The following ANO10 variants were observed in gnomAD, a reference collection of about 807,000 sequenced individuals.
The protein encoded by ANO10 is anoctamin-10.
ANO10 carries 77 observed loss-of-function variants against 74.7 expected under a neutral mutation model. The ratio of observed to expected loss-of-function variants is 1.03; its 90% CI spans 0.86 to 1.25. The LOEUF (loss-of-function observed/expected upper bound fraction) is 1.25, where lower values mean the gene tolerates loss of function less well. ANO10 is among the 50% of genes most tolerant of loss of function. The pLI is 0.00. For synonymous variants in ANO10, 279 were observed against 284.9 expected, an observed-to-expected ratio of 0.98 and a Z score of 0.21; for missense variants, 721 against 778.1, an observed-to-expected ratio of 0.93 and a Z score of 0.87.
chr3:43,403,326 C>G (rs1194723601), intron 12 of ANO10, among the ~76,000 whole-genome samples: 1 of 152,250 alleles, frequency 6.6e-6, no homozygotes, highest in Non-Finnish European at 1.5e-5. Context: ...TAGCCTTTCT[C>G]CTTCCTCCAC....
intron 4 of ANO10, among the ~76,000 whole-genome samples, chr3:43,597,089 G>A (rs1265100767): frequency 1.3e-5 from 2 of 152,162 alleles, no homozygotes; most frequent in African/African-American, 4.8e-5. Context: ...AGTTAAAATG[G>A]TGATCATTAA....
chr3:43,423,498 G>A (rs1299637425), intron 12 of ANO10, among the ~76,000 whole-genome samples: 1 of 152,176 alleles, frequency 6.6e-6, no homozygotes, highest in African/African-American at 2.4e-5. Context: ...ACAAACTATA[G>A]TGGGGCAAAT....
chr3:43,679,770 T>C lies in ANO10; in HGVS notation c.-12+11747A>G, dbSNP rs528838211. On this transcript the variant is annotated intron_variant, in intron 1 of 3. Transcript: ENST00000413397. Reference sequence around the variant, plus strand: ...CCAGAAGAATGATCAGGCAGCAACATTTACTGTTCACCAGTATCTGCTGTT... The same window carrying C: ...CCAGAAGAATGATCAGGCAGCAACACTTACTGTTCACCAGTATCTGCTGTT... Among the ~76,000 whole-genome samples the C allele has an allele frequency of 1.6e-4, 24 of 152,262 alleles. 1 individual carries two copies. Among genetic ancestry groups the C allele is most frequent in the South Asian group, 1.5e-3 (7 of 4,818 alleles).
At chr3:43,396,078 T>A (rs1016544415) in intron 12 of ANO10, among the ~76,000 whole-genome samples, 6 of 149,206 alleles carry the variant, frequency 4.0e-5, no homozygotes, top group South Asian at 2.1e-4. Context: ...ATTTATTTAT[T>A]TTTTTTTTTT....
chr3:43,462,800 T>C (rs931543323), intron 11 of ANO10, among the ~76,000 whole-genome samples: 2 of 152,132 alleles, frequency 1.3e-5, no homozygotes, highest in Admixed American at 1.3e-4. Context: ...AGGGTACCCA[T>C]GCTGAGTGCA....
At chr3:43,563,418 G>GT (rs35992992) in intron 8 of ANO10, among the ~76,000 whole-genome samples, 62 of 112,218 alleles carry the variant, frequency 5.5e-4, no homozygotes, top group African/African-American at 1.4e-3. Flanking sequence ...ATGGCGAGAG[G>GT]TTTTTTTTTT....
chr3:43,406,547 T>A (rs1327055896), intron 12 of ANO10, among the ~76,000 whole-genome samples: 1 of 152,190 alleles, frequency 6.6e-6, no homozygotes, highest in Non-Finnish European at 1.5e-5. Flanking sequence ...CTGCCTTCTG[T>A]ACGCATATGA....
chr3:43,446,016 C>T (rs2093240147), intron 11 of ANO10, among the ~76,000 whole-genome samples: 1 of 152,152 alleles, frequency 6.6e-6, no homozygotes, highest in Non-Finnish European at 1.5e-5. Context: ...GCTGTCCAAA[C>T]ACTGATGAGA....
chr3:43,395,859 C>T (rs192686884), intron 12 of ANO10, among the ~76,000 whole-genome samples: 53 of 151,846 alleles, frequency 3.5e-4, no homozygotes, highest in Middle Eastern at 3.4e-3. Flanking sequence ...AAAGGCTGGA[C>T]GTAAATATTT....
intron 12 of ANO10, among the ~76,000 whole-genome samples, chr3:43,369,787 A>G (rs1272550858): frequency 6.6e-6 from 1 of 152,244 alleles, no homozygotes; most frequent in Non-Finnish European, 1.5e-5. Context: ...ACCTGCAGCT[A>G]AAGTCCAAAG....
At chr3:43,531,844 G>A (rs1465267538) in intron 11 of ANO10, among the ~76,000 whole-genome samples, 1 of 151,676 alleles carries the variant, frequency 6.6e-6, no homozygotes, top group African/African-American at 2.4e-5. Flanking sequence ...GCAGTGAGCC[G>A]AGATTGGGCC....
At chr3:43,510,293 T>C (rs999814283) in intron 11 of ANO10, among the ~76,000 whole-genome samples, 4 of 151,836 alleles carry the variant, frequency 2.6e-5, no homozygotes, top group African/African-American at 9.7e-5. Flanking sequence ...TAGCCAGGCG[T>C]GGTGATGCAT....
At chr3:43,367,035 C>A in intron 12 of ANO10, 61 bp from the exon 13 acceptor site, 2 of 1,501,508 alleles carry the variant, frequency 1.3e-6, no homozygotes, top group Non-Finnish European at 1.8e-6. Flanking sequence ...GCCGAGGCCT[C>A]TGCTCTCTGT....
intron 12 of ANO10, among the ~76,000 whole-genome samples, chr3:43,415,279 G>A (rs142981497): frequency 2.3e-4 from 35 of 151,682 alleles, no homozygotes; most frequent in Admixed American, 1.0e-3. Context: ...GCCCGGCTGT[G>A]CCCATTTTAC....
At chr3:43,444,649 T>C (rs2093214395) in intron 11 of ANO10, among the ~76,000 whole-genome samples, 3 of 152,206 alleles carry the variant, frequency 2.0e-5, no homozygotes, top group African/African-American at 4.8e-5. Context: ...ATAAGGCAGA[T>C]GTGGTACCGC....
At chr3:43,680,435 A>AAAGACCAAATCTACGT (rs1354383503) in intron 1 of ANO10, among the ~76,000 whole-genome samples, 1 of 152,258 alleles carries the variant, frequency 6.6e-6, no homozygotes, top group Non-Finnish European at 1.5e-5. Flanking sequence ...GACTATGTGA[A>AAAGACCAAATCTACGT]AAGACCAAAT....
chr3:43,417,159 G>A (rs545270187), intron 12 of ANO10, among the ~76,000 whole-genome samples: 1 of 152,176 alleles, frequency 6.6e-6, no homozygotes, highest in South Asian at 2.1e-4. Flanking sequence ...AGAGCAGCCT[G>A]TAAAGTCCAG....
At chr3:43,484,872 G>A (rs1259312877) in intron 11 of ANO10, 1 of 592,250 alleles carries the variant, frequency 1.7e-6, no homozygotes, top group African/African-American at 1.9e-5. Flanking sequence ...TCCGCCAACA[G>A]GCATGACCAA....
At chr3:43,657,694 A>G (rs2083873333) in intron 1 of ANO10, among the ~76,000 whole-genome samples, 1 of 152,234 alleles carries the variant, frequency 6.6e-6, no homozygotes, top group Non-Finnish European at 1.5e-5. Context: ...GCCCCAGGAT[A>G]GCCTTTGTTC....
Sources: gnomAD v4.1 joint callset for allele counts (sites outside exome capture counted in the v4.1 genomes callset) on GRCh38, gnomAD v4.1.1 for gene constraint, MANE v1.5 for transcripts, NCBI Gene and HGNC (gene_info 2026-07-23, HGNC 2026-07-21) for gene names.